The following DAB1 variants were observed in gnomAD, a reference collection of about 807,000 sequenced individuals.
DAB1 encodes the protein disabled homolog 1.
DAB1 carries 15 observed loss-of-function variants against 64.6 expected under a neutral mutation model. The observed-to-expected ratio is 0.23, with a 90% CI of 0.16 to 0.36. DAB1 has a LOEUF of 0.36. DAB1 is among the 10% of genes least tolerant of loss of function. The pLI is 1.00. For missense variants in DAB1, 596 were observed against 706.7 expected, an observed-to-expected ratio of 0.84 and a Z score of 1.78; for synonymous variants, 235 against 251.9, an observed-to-expected ratio of 0.93 and a Z score of 0.64.
chr1:57,074,257 T>C (rs1325509463), intron 4 of DAB1, among the ~76,000 whole-genome samples: 1 of 152,240 alleles, frequency 6.6e-6, no homozygotes, highest in Non-Finnish European at 1.5e-5. Context: ...AGTTATGGTT[T>C]AAATAGTCCA....
chr1:58,059,344 G>T (rs1557631449), intron 5 of DAB1, among the ~76,000 whole-genome samples: 1 of 152,168 alleles, frequency 6.6e-6, no homozygotes, highest in Non-Finnish European at 1.5e-5. Flanking sequence ...CCATAAAATG[G>T]CAACACAAAT....
rs1645743241 is a variant in DAB1 at position 57,969,364 on chromosome 1, A to C, written n.388-85202T>G. Among the ~76,000 whole-genome samples the C allele has an allele frequency of 1.3e-5, 2 of 152,102 alleles. 1 individual carries two copies. The highest frequency in any genetic ancestry group is 1.3e-4 in the Admixed American group (2 of 15,254). ...TTTATTTATATATATATTTTTTGAG[A>C]TAGGATCTCACTCTGTCACCCAGGC... On this transcript the variant is annotated intron_variant and non_coding_transcript_variant, in intron 5 of 20. Transcript: ENST00000485760.
intron 6 of DAB1, among the ~76,000 whole-genome samples, chr1:57,679,203 C>T (rs1348247467): frequency 6.6e-6 from 1 of 152,152 alleles, no homozygotes; most frequent in Non-Finnish European, 1.5e-5. Context: ...GACCCCATAG[C>T]CCATTCTCTT....
intron 9 of DAB1, among the ~76,000 whole-genome samples, chr1:57,035,473 G>T (rs1647110975): frequency 6.6e-6 from 1 of 152,190 alleles, no homozygotes; most frequent in Non-Finnish European, 1.5e-5. Context: ...GGAAAGGAGA[G>T]GTGGCCTTTG....
At chr1:58,234,817 G>C (rs992678641) in intron 4 of DAB1, among the ~76,000 whole-genome samples, 3 of 152,206 alleles carry the variant, frequency 2.0e-5, no homozygotes, top group Admixed American at 2.0e-4. Flanking sequence ...TGAGCCGGAG[G>C]AAGTGACACC....
At chr1:57,119,682 G>C (rs1656459088) in intron 4 of DAB1, among the ~76,000 whole-genome samples, 1 of 152,102 alleles carries the variant, frequency 6.6e-6, no homozygotes, top group Non-Finnish European at 1.5e-5. Flanking sequence ...CTTTAATGCA[G>C]CATGAGAAGG....
At chr1:57,197,446 G>A (rs558713479) in intron 2 of DAB1, among the ~76,000 whole-genome samples, 1 of 152,174 alleles carries the variant, frequency 6.6e-6, no homozygotes, top group East Asian at 1.9e-4. Context: ...TTTAGCTCCT[G>A]CTATGTACTA....
At chr1:57,151,854 C>T (rs1392627207) in intron 2 of DAB1, among the ~76,000 whole-genome samples, 2 of 133,892 alleles carry the variant, frequency 1.5e-5, no homozygotes, top group African/African-American at 6.0e-5. Context: ...CGCTCTATTG[C>T]CCAGGCTGGA....
chr1:57,273,548 TGCCTG>T (rs1671189521), intron 2 of DAB1, among the ~76,000 whole-genome samples: 8 of 73,136 alleles, frequency 1.1e-4, no homozygotes, highest in South Asian at 6.2e-4. Context: ...CCTGCCTGCC[TGCCTG>T]CCTTCCTTCC....
chr1:58,300,186 AG>A (rs768589063), intron 4 of DAB1, among the ~76,000 whole-genome samples: 5 of 152,140 alleles, frequency 3.3e-5, no homozygotes, highest in Non-Finnish European at 5.9e-5. Context: ...ATGTTTTTCA[AG>A]GGCCCTAGCA....
intron 4 of DAB1, among the ~76,000 whole-genome samples, chr1:57,121,233 A>AGAAGAG (rs989212984): frequency 5.3e-5 from 8 of 151,748 alleles, no homozygotes; most frequent in Non-Finnish European, 1.0e-4. Flanking sequence ...AAGGGGAAGA[A>AGAAGAG]GAAGAGGAAG....
At chr1:58,019,541 G>C (rs1646787675) in intron 5 of DAB1, among the ~76,000 whole-genome samples, 1 of 152,126 alleles carries the variant, frequency 6.6e-6, no homozygotes, top group Non-Finnish European at 1.5e-5. Context: ...TCCTAGAGAT[G>C]TTTCTTATGT....
At chr1:57,906,975 GATA>G (rs1208819488) in intron 5 of DAB1, among the ~76,000 whole-genome samples, 1 of 148,812 alleles carries the variant, frequency 6.7e-6, no homozygotes, top group African/African-American at 2.6e-5. Flanking sequence ...TAGATAGATA[GATA>G]GATAGATAGA....
chr1:57,250,349 A>G (rs779832482), intron 2 of DAB1, among the ~76,000 whole-genome samples: 1 of 152,182 alleles, frequency 6.6e-6, no homozygotes, highest in African/African-American at 2.4e-5. Context: ...ATATCTTTGT[A>G]TGTATTCAGG....
chr1:57,492,746 T>A (rs1009850421), intron 7 of DAB1, among the ~76,000 whole-genome samples: 2 of 152,182 alleles, frequency 1.3e-5, no homozygotes, highest in Admixed American at 1.3e-4. Flanking sequence ...AGAGGAATAG[T>A]AGCCAGATGG....
chr1:57,719,091 T>C (rs998448691), intron 6 of DAB1, among the ~76,000 whole-genome samples: 4 of 152,214 alleles, frequency 2.6e-5, no homozygotes, highest in Non-Finnish European at 5.9e-5. Flanking sequence ...AAAAAACATA[T>C]GTTGAGAAAT....
intron 3 of DAB1, among the ~76,000 whole-genome samples, chr1:58,476,960 C>T (rs192628508): frequency 1.6e-4 from 25 of 152,312 alleles, no homozygotes; most frequent in Middle Eastern, 3.4e-3. Context: ...CTGCTGGACA[C>T]ACATTGACTA....
chr1:58,175,146 C>T (rs959114385), intron 4 of DAB1, among the ~76,000 whole-genome samples: 2 of 152,230 alleles, frequency 1.3e-5, no homozygotes, highest in African/African-American at 4.8e-5. Context: ...GTCCGCATTA[C>T]CTTTATGAGC....
intron 6 of DAB1, among the ~76,000 whole-genome samples, chr1:57,705,842 T>C (rs1478076577): frequency 6.6e-6 from 1 of 151,396 alleles, no homozygotes; most frequent in Non-Finnish European, 1.5e-5. Context: ...TTAATACGTA[T>C]CTTTGGACTA....
Sources: gnomAD v4.1 joint callset for allele counts (sites outside exome capture counted in the v4.1 genomes callset) on GRCh38, gnomAD v4.1.1 for gene constraint, MANE v1.5 for transcripts, NCBI Gene and HGNC (gene_info 2026-07-23, HGNC 2026-07-21) for gene names.